Variants in PCDH15 observed in about 807,000 individuals in gnomAD.
PCDH15 encodes protocadherin-15.
Under a neutral mutation model 178.5 loss-of-function variants are expected in PCDH15, and 129 were observed. The ratio of observed to expected loss-of-function variants is 0.72; its 90% CI spans 0.63 to 0.84. The LOEUF is 0.84. Ranked by LOEUF, PCDH15 falls within the 40% of genes least tolerant of loss-of-function variation. PCDH15 has a pLI of 0.00. For missense variants in PCDH15, 2,230 were observed against 2,099.9 expected (o/e 1.06, Z -1.21); for synonymous variants, 800 against 732.0 (o/e 1.09, Z -1.50).
intron 2 of PCDH15, among the ~76,000 whole-genome samples, chr10:55,377,398 G>T (rs904680198): frequency 6.6e-6 from 1 of 151,764 alleles, no homozygotes; most frequent in African/African-American, 2.4e-5. Flanking sequence ...ATTAATTTGT[G>T]ATTTGGAAAG....
At chr10:53,922,307 TA>T (rs2084064712) in intron 25 of PCDH15, among the ~76,000 whole-genome samples, 2 of 145,342 alleles carry the variant, frequency 1.4e-5, no homozygotes, top group Non-Finnish European at 1.5e-5. Context: ...GCAGTAGTAA[TA>T]AAAAATACCT....
Position 54,729,784 on chromosome 10 carries a change from T to G in PCDH15, c.-28-65494A>C, listed in dbSNP as rs1017529467. ...TTCTCAAAAGAAGACATATATGCAGTAAACAACCTATAAAAACATTCTCAT... is the reference window on the plus strand; with the variant it reads ...TTCTCAAAAGAAGACATATATGCAGGAAACAACCTATAAAAACATTCTCAT... On this transcript the variant is annotated intron_variant, in intron 1 of 37. Transcript: ENST00000644397. Among the ~76,000 whole-genome samples the G allele has an allele frequency of 6.6e-5, 10 of 151,206 alleles. 1 individual carries two copies. The highest frequency in any genetic ancestry group is 4.0e-4 in the Admixed American group (6 of 15,114).
intron 3 of PCDH15, among the ~76,000 whole-genome samples, chr10:54,483,987 T>C (rs116854601): frequency 0.082 from 12,418 of 151,916 alleles, 538 homozygotes; most frequent in East Asian, 0.11. Context: ...CAAGCTATGT[T>C]AGGTTATAGA....
intron 21 of PCDH15, among the ~76,000 whole-genome samples, chr10:53,965,260 A>G (rs1349213115): frequency 6.6e-6 from 1 of 151,954 alleles, no homozygotes; most frequent in African/African-American, 2.4e-5. Flanking sequence ...GGGTTTCACT[A>G]TGTTGGCCAG....
At chr10:55,163,828 T>C (rs1290027709) in intron 2 of PCDH15, among the ~76,000 whole-genome samples, 1 of 152,118 alleles carries the variant, frequency 6.6e-6, no homozygotes, top group African/African-American at 2.4e-5. Flanking sequence ...GTTCCAGGAA[T>C]TGCCCGCCCC....
At chr10:54,746,628 G>T (rs1475630283) in intron 1 of PCDH15, among the ~76,000 whole-genome samples, 1 of 152,068 alleles carries the variant, frequency 6.6e-6, no homozygotes, top group African/African-American at 2.4e-5. Flanking sequence ...AAAAATTAAT[G>T]AAAGGTTTCT....
chr10:54,157,957 C>G (rs1449775441), intron 13 of PCDH15, among the ~76,000 whole-genome samples: 1 of 152,194 alleles, frequency 6.6e-6, no homozygotes, highest in Admixed American at 6.5e-5. Flanking sequence ...TTCCTCATCT[C>G]CCTCTGAGAC....
At chr10:55,239,785 A>G (rs1841491365) in intron 1 of PCDH15, among the ~76,000 whole-genome samples, 1 of 152,170 alleles carries the variant, frequency 6.6e-6, no homozygotes, top group Non-Finnish European at 1.5e-5. Flanking sequence ...CAAACCACTC[A>G]TATAACAAAA....
rs140389980 is a variant in PCDH15 at position 54,277,104 on chromosome 10, C to T, written c.876+40167G>A. On this transcript the variant is annotated intron_variant, in intron 8 of 37. Transcript: ENST00000644397. Reference sequence around the variant, plus strand: ...AGGTGTTGTCACTCTCTTCCTGAGTCCCTCAGTGAGCAGACGTAGAGAAAA... The same window carrying T: ...AGGTGTTGTCACTCTCTTCCTGAGTTCCTCAGTGAGCAGACGTAGAGAAAA... Among the ~76,000 whole-genome samples, 1,424 of 151,580 alleles carry T rather than the reference C, an allele frequency of 9.4e-3. 27 individuals are homozygous for T. Among genetic ancestry groups the T allele is most frequent in the African/African-American group, 0.032 (1,325 of 41,460 alleles).
intron 3 of PCDH15, among the ~76,000 whole-genome samples, chr10:54,883,816 T>C (rs1954305458): frequency 6.6e-6 from 1 of 152,044 alleles, no homozygotes; most frequent in Non-Finnish European, 1.5e-5. Context: ...TAAAATTGAT[T>C]GCCAGTTTTT....
chr10:55,445,344 G>C (rs1303389416), intron 2 of PCDH15, among the ~76,000 whole-genome samples: 1 of 151,900 alleles, frequency 6.6e-6, no homozygotes, highest in Non-Finnish European at 1.5e-5. Flanking sequence ...CCCAACCAGG[G>C]AAAAATACCA....
chr10:55,211,399 T>G (rs1840568194), intron 1 of PCDH15, among the ~76,000 whole-genome samples: 1 of 152,112 alleles, frequency 6.6e-6, no homozygotes, highest in African/African-American at 2.4e-5. Context: ...TCTGTTGAAA[T>G]GTAATCATTT....
At chr10:54,004,249 C>T (rs1229888824) in intron 20 of PCDH15, among the ~76,000 whole-genome samples, 3 of 151,930 alleles carry the variant, frequency 2.0e-5, no homozygotes, top group South Asian at 2.1e-4. Flanking sequence ...CCCACTATCA[C>T]CACTGTTATT....
At chr10:55,359,325 G>T (rs1845163342) in intron 2 of PCDH15, among the ~76,000 whole-genome samples, 1 of 151,538 alleles carries the variant, frequency 6.6e-6, no homozygotes, top group Non-Finnish European at 1.5e-5. Context: ...CTATAATTAT[G>T]CTCCATATTT....
At chr10:55,231,723 A>G (rs1426229152) in intron 1 of PCDH15, among the ~76,000 whole-genome samples, 1 of 152,062 alleles carries the variant, frequency 6.6e-6, no homozygotes, top group Non-Finnish European at 1.5e-5. Context: ...CTAGGTATTC[A>G]AATTGTCAAA....
chr10:54,695,502 T>G (rs11004449), intron 1 of PCDH15, among the ~76,000 whole-genome samples: 3,878 of 152,190 alleles, frequency 0.025, 140 homozygotes, highest in African/African-American at 0.072. Context: ...TCTGGAAAAT[T>G]TAGCTAAGAT....
chr10:55,227,463 GAATT>G (rs1013749851), intron 1 of PCDH15, among the ~76,000 whole-genome samples: 4 of 47,992 alleles, frequency 8.3e-5, no homozygotes, highest in African/African-American at 3.3e-4. Flanking sequence ...CTTAAGGTAA[GAATT>G]GATTGATTCC....
At chr10:54,202,812 C>A (rs867100111) in intron 10 of PCDH15, among the ~76,000 whole-genome samples, 192 of 106,108 alleles carry the variant, frequency 1.8e-3, no homozygotes, top group East Asian at 2.2e-3. Flanking sequence ...AACCCCACCT[C>A]AAAAAAAAAA....
intron 9 of PCDH15, among the ~76,000 whole-genome samples, chr10:54,231,697 G>A (rs956273252): frequency 1.3e-5 from 2 of 152,228 alleles, no homozygotes; most frequent in African/African-American, 4.8e-5. Context: ...AAATACCCAA[G>A]GCCTTGGGAG....
Sources: allele counts gnomAD v4.1 joint callset (sites outside exome capture counted in the v4.1 genomes callset), GRCh38; gene constraint gnomAD v4.1.1; transcripts MANE v1.5; gene names NCBI Gene and HGNC (gene_info 2026-07-23, HGNC 2026-07-21).